The following NRXN3 variants were observed in gnomAD, a reference collection of about 807,000 sequenced individuals.
The protein encoded by NRXN3 is neurexin III.
In NRXN3, 32 loss-of-function variants were observed where a neutral mutation model predicts 137.6. The ratio of observed to expected loss-of-function variants is 0.23; its 90% CI spans 0.18 to 0.31. The LOEUF is 0.31. Ranked by LOEUF, NRXN3 falls within the 10% of genes least tolerant of loss-of-function variation. The pLI is 1.00. For synonymous variants in NRXN3, 798 were observed against 784.5 expected (o/e 1.02, Z -0.29); for missense variants, 1,574 against 2,062.5 (o/e 0.76, Z 4.59).
chr14:78,176,952 C>G (rs1262210423), intron 1 of NRXN3, among the ~76,000 whole-genome samples: 4 of 151,950 alleles, frequency 2.6e-5, no homozygotes, highest in Admixed American at 6.6e-5. Context: ...GGGCTATATT[C>G]CAGCTGAGTG....
intron 10 of NRXN3, among the ~76,000 whole-genome samples, chr14:78,930,528 A>G (rs1385289156): frequency 2.0e-5 from 3 of 152,238 alleles, no homozygotes; most frequent in Admixed American, 6.5e-5. Flanking sequence ...AGGCATGTAA[A>G]CAGATGAATT....
At chr14:78,436,478 A>G (rs2094070020) in intron 4 of NRXN3, among the ~76,000 whole-genome samples, 2 of 152,304 alleles carry the variant, frequency 1.3e-5, no homozygotes, top group South Asian at 4.1e-4. Flanking sequence ...CCAAAGAACT[A>G]TCAATGAGCA....
chr14:78,425,424 T>C (rs1272021025), intron 4 of NRXN3, among the ~76,000 whole-genome samples: 1 of 152,240 alleles, frequency 6.6e-6, no homozygotes, highest in African/African-American at 2.4e-5. Context: ...AGGAATGATC[T>C]GTGGGGGAAG....
At chr14:79,091,574 G>T (rs2049202393) in intron 15 of NRXN3, among the ~76,000 whole-genome samples, 1 of 152,072 alleles carries the variant, frequency 6.6e-6, no homozygotes, top group South Asian at 2.1e-4. Context: ...TTTGTCCCAG[G>T]TGTTCCTGCT....
At chr14:78,429,017 C>G (rs1051016249) in intron 4 of NRXN3, among the ~76,000 whole-genome samples, 1 of 151,928 alleles carries the variant, frequency 6.6e-6, no homozygotes, top group African/African-American at 2.4e-5. Context: ...AACCCTATTC[C>G]CAGTGATATT....
At chr14:78,618,937 T>C (rs1168123933) in intron 4 of NRXN3, among the ~76,000 whole-genome samples, 1 of 152,234 alleles carries the variant, frequency 6.6e-6, no homozygotes, top group Admixed American at 6.5e-5. Flanking sequence ...TTCTTTGTCC[T>C]CTGATTATTC....
At chr14:78,650,642 G>C (rs1379554706) in intron 5 of NRXN3, among the ~76,000 whole-genome samples, 1 of 151,190 alleles carries the variant, frequency 6.6e-6, no homozygotes, top group Non-Finnish European at 1.5e-5. Context: ...TGTCAGCGTG[G>C]TGTGAGCCAA....
At chr14:79,370,661 T>A (rs900970201) in intron 15 of NRXN3, among the ~76,000 whole-genome samples, 1 of 152,042 alleles carries the variant, frequency 6.6e-6, no homozygotes, top group East Asian at 1.9e-4. Context: ...AGTGGGATGT[T>A]TGACTCCAAA....
chr14:78,710,875 T>A (rs2098401447), intron 7 of NRXN3, among the ~76,000 whole-genome samples: 1 of 152,234 alleles, frequency 6.6e-6, no homozygotes, highest in Admixed American at 6.5e-5. Flanking sequence ...TCTTTACTGG[T>A]TGTCTGAAAT....
chr14:79,490,732 A>ATTAAAAAAGT (rs1409985760), intron 16 of NRXN3, among the ~76,000 whole-genome samples: 9 of 152,068 alleles, frequency 5.9e-5, no homozygotes, highest in African/African-American at 2.2e-4. Flanking sequence ...AAATAGAAGG[A>ATTAAAAAAGT]ATGAATAAAA....
chr14:78,471,967 C>G (rs1004713545), intron 4 of NRXN3, among the ~76,000 whole-genome samples: 2 of 152,106 alleles, frequency 1.3e-5, no homozygotes, highest in African/African-American at 4.8e-5. Context: ...GGAAGGGAAA[C>G]CAAACTCTGC....
chr14:78,699,311 T>G (rs1394980871), intron 6 of NRXN3, among the ~76,000 whole-genome samples: 1 of 152,194 alleles, frequency 6.6e-6, no homozygotes. Context: ...CCAGGCAAGA[T>G]TTATCCCTGG....
At chr14:79,111,566 C>G (rs899377424) in intron 15 of NRXN3, among the ~76,000 whole-genome samples, 1 of 151,978 alleles carries the variant, frequency 6.6e-6, no homozygotes, top group Non-Finnish European at 1.5e-5. Context: ...TGGTGAAACC[C>G]CATCTCTACT....
At chr14:78,560,727 C>A (rs1302282317) in intron 4 of NRXN3, among the ~76,000 whole-genome samples, 11 of 152,182 alleles carry the variant, frequency 7.2e-5, no homozygotes, top group Admixed American at 7.2e-4. Context: ...GGTCTGGAGA[C>A]ACTTAGCTGG....
intron 8 of NRXN3, among the ~76,000 whole-genome samples, chr14:78,792,554 T>C (rs961559864): frequency 6.6e-6 from 1 of 152,126 alleles, no homozygotes; most frequent in African/African-American, 2.4e-5. Context: ...AAAGTTTTCT[T>C]AATATAAAGA....
chr14:78,440,487 G>A (rs1325574091), intron 4 of NRXN3, among the ~76,000 whole-genome samples: 1 of 152,082 alleles, frequency 6.6e-6, no homozygotes, highest in African/African-American at 2.4e-5. Context: ...TTTGTTGGGA[G>A]ATAAGTAGGC....
At chr14:79,798,003 G>A (rs1022658340) in intron 19 of NRXN3, among the ~76,000 whole-genome samples, 1 of 151,846 alleles carries the variant, frequency 6.6e-6, no homozygotes, top group Non-Finnish European at 1.5e-5. Context: ...AGGAGGCTGA[G>A]GCAAGAGGAT....
chr14:78,510,647 G>A (rs1183845298), intron 4 of NRXN3, among the ~76,000 whole-genome samples: 1 of 152,172 alleles, frequency 6.6e-6, no homozygotes, highest in Non-Finnish European at 1.5e-5. Context: ...GCCAAGCCCT[G>A]TTCTTTATTA....
rs2099543538 is a variant in NRXN3, at chr14:79,002,473, G to GT, written c.3262+14335dup. On this transcript the variant is annotated intron_variant, in intron 15 of 20. Transcript: ENST00000335750. ...TATGAGTGAGAATATGCAGTGTTTGGTTTACTGTTCCTGGGTTAGTTTGCT... is the reference window on the plus strand; with the variant it reads ...TATGAGTGAGAATATGCAGTGTTTGGTTTTACTGTTCCTGGGTTAGTTTGCT... 2.6e-5 allele frequency among the ~76,000 whole-genome samples: 4 copies of GT among 152,062 alleles called. No homozygotes were observed. In the South Asian group the frequency reaches 8.3e-4, roughly 32 times the overall value.
Sources: allele counts gnomAD v4.1 joint callset (sites outside exome capture counted in the v4.1 genomes callset), GRCh38; gene constraint gnomAD v4.1.1; transcripts MANE v1.5; gene names NCBI Gene and HGNC (gene_info 2026-07-23, HGNC 2026-07-21).